The following DNAH5 variants were observed in gnomAD, a reference collection of about 807,000 sequenced individuals.
DNAH5 encodes the protein dynein axonemal heavy chain 5.
Under a neutral mutation model 518.2 loss-of-function variants are expected in DNAH5, and 372 were observed. The ratio of observed to expected loss-of-function variants is 0.72; its 90% CI spans 0.66 to 0.78. The LOEUF is 0.78. Ranked by LOEUF, DNAH5 falls within the 30% of genes least tolerant of loss-of-function variation. The pLI is 0.00. For synonymous variants in DNAH5, 2,039 were observed against 2,025.9 expected (o/e 1.01, Z -0.17); for missense variants, 5,523 against 5,687.0 (o/e 0.97, Z 0.93).
In DNAH5 at chr5:13,707,203, G is replaced by A. The variant is rs551003063; in HGVS notation, c.13338+920C>T. ...AATTTGCTCAGGCATGGTCAGAGAA[G>A]AGTCCGGTCACTGGGCGGCCCAACT... On this transcript the variant is annotated intron_variant, in intron 76 of 78. Transcript: ENST00000265104. The surrounding 1 kb of genome is among the most constrained non-coding windows in gnomAD (Gnocchi z 4.0). Among the ~76,000 whole-genome samples the A allele has an allele frequency of 1.3e-4, 20 of 152,338 alleles. No individual in the cohort carries two copies. The highest frequency in any genetic ancestry group is 4.3e-4 in the African/African-American group (18 of 41,574).
At chr5:13,822,901 C>A (rs557777344) in intron 40 of DNAH5, among the ~76,000 whole-genome samples, 1 of 152,292 alleles carries the variant, frequency 6.6e-6, no homozygotes, top group East Asian at 1.9e-4. Flanking sequence ...GGCGACACAG[C>A]AAACACCAGG....
intron 21 of DNAH5, among the ~76,000 whole-genome samples, chr5:13,882,355 TA>T (rs749877963): frequency 0.23 from 31,259 of 138,482 alleles, 3,367 homozygotes; most frequent in Middle Eastern, 0.29. Flanking sequence ...CACTACAATT[TA>T]AAAAAAAAAA....
chr5:13,864,480 G>T lies in DNAH5; in HGVS notation c.4513C>A (p.His1505Asn). 1 of 1,614,106 alleles carries T rather than the reference G, an allele frequency of 6.2e-7. No individual in the cohort carries two copies. The highest frequency in any genetic ancestry group is 1.1e-5 in the South Asian group (1 of 91,078). ...HWERITTLTG[H>N]SLDVGNESFK... is the part of the protein sequence containing the mutation. ...CTTTCATTCCCCACATCCAGACTGT[G>T]CCCGGTGAGGGTGGTTATCCTTTCC... is the stretch of plus-strand genomic sequence containing the variant. Residue 1505 changes from histidine (H) to asparagine (N), a missense_variant, in exon 28 of 79, where the codon CAC becomes AAC. His to Asn is a moderately conservative substitution (Grantham distance 68, BLOSUM62 1). This residue lies in a region of DNAH5 where 5,121 missense variants were observed against 5,223.3 expected (regional missense o/e 0.98). Transcript: ENST00000265104.
At chr5:13,721,391 T>C (rs186992258) in intron 70 of DNAH5, 146 bp from the exon 71 acceptor site, 21 of 932,008 alleles carry the variant, frequency 2.3e-5, no homozygotes, top group African/African-American at 3.3e-5. Context: ...AGACTGTTTT[T>C]CATATTTGTT....
chr5:13,719,841 T>C lies in DNAH5; in HGVS notation c.12280-740A>G, dbSNP rs546820956. Among the ~76,000 whole-genome samples the C allele has an allele frequency of 7.2e-5, 11 of 152,322 alleles. No individual in the cohort carries two copies. The East Asian group carries it at 2.1e-3, about 29-fold the overall frequency. On this transcript the variant is annotated intron_variant, in intron 71 of 78. Transcript: ENST00000265104. ...TGTGGAAGAACCTTCCCTGGGAATC[T>C]GACCACACTAAGAAGAGAAAGAGCC...
intron 34 of DNAH5, among the ~76,000 whole-genome samples, chr5:13,839,829 C>T (rs1260720465): frequency 1.3e-5 from 2 of 152,164 alleles, no homozygotes; most frequent in Admixed American, 6.5e-5. Context: ...CCTGACATGC[C>T]TAATGCCATA....
At chr5:13,847,829 GA>G (rs1220568114) in intron 31 of DNAH5, among the ~76,000 whole-genome samples, 1 of 152,036 alleles carries the variant, frequency 6.6e-6, no homozygotes, top group African/African-American at 2.4e-5. Flanking sequence ...GGAAGGGAGA[GA>G]AAAGCAATAA....
intron 21 of DNAH5, among the ~76,000 whole-genome samples, chr5:13,879,657 C>A (rs966222382): frequency 1.3e-5 from 2 of 151,138 alleles, no homozygotes; most frequent in African/African-American, 2.4e-5. Flanking sequence ...AATGATGTAA[C>A]TGAACACAAA....
chr5:13,910,106 G>C (rs890662628), intron 12 of DNAH5, among the ~76,000 whole-genome samples: 1 of 152,080 alleles, frequency 6.6e-6, no homozygotes, highest in East Asian at 1.9e-4. Context: ...GTCTGAATCT[G>C]CCCCCAAAAG....
rs192203501 is a variant in DNAH5 at position 13,959,376 on chromosome 5, A to C, written c.13-28132T>G. ...CTGATAGAGAGGGAAGAGGCAGACAAGTGTGGATTCTCTCTGTCTTCGAGA... is the reference window on the plus strand; with the variant it reads ...CTGATAGAGAGGGAAGAGGCAGACACGTGTGGATTCTCTCTGTCTTCGAGA... On this transcript the variant is annotated intron_variant, in intron 1 of 78. Coordinates refer to the DNAH5 transcript ENST00000681290. 1.2e-3 allele frequency among the ~76,000 whole-genome samples: 186 copies of C among 152,356 alleles called. No homozygotes were observed. In the Middle Eastern group the frequency reaches 0.017, roughly 14 times the overall value.
At chr5:13,814,524 G>A in intron 43 of DNAH5, 81 bp downstream of exon 43, 1 of 1,457,648 alleles carries the variant, frequency 6.9e-7, no homozygotes, top group African/African-American at 1.4e-5. Flanking sequence ...GCCATCTGCA[G>A]AAAAATTGGC....
chr5:13,747,311 C>T (rs542418453), intron 65 of DNAH5, among the ~76,000 whole-genome samples: 85 of 152,174 alleles, frequency 5.6e-4, no homozygotes, highest in African/African-American at 2.0e-3. Context: ...GGTTTGGTTC[C>T]AAGTCTTTGC....
In DNAH5 at chr5:13,735,936, G is replaced by A. The variant is rs1201181088; in HGVS notation, c.11456-4C>T. On this transcript the variant is annotated splice_polypyrimidine_tract_variant and splice_region_variant and intron_variant, in intron 66 of 78. Coordinates refer to ENST00000265104, the MANE Select transcript of DNAH5 (RefSeq NM_001369.3). ...AGGATGCTGCCCCGCGTAGCCACTG[G>A]AAGACAAAGAGCAAGGTTGCATGTG... is the stretch of plus-strand genomic sequence containing the variant. 1 of 1,610,624 alleles carries A rather than the reference G, an allele frequency of 6.2e-7. No homozygotes were observed. Among genetic ancestry groups the A allele is most frequent in the African/African-American group, 1.3e-5 (1 of 74,852 alleles).
At chr5:13,796,956 T>C (rs1199418013) in intron 47 of DNAH5, among the ~76,000 whole-genome samples, 2 of 152,176 alleles carry the variant, frequency 1.3e-5, no homozygotes, top group Non-Finnish European at 2.9e-5. Flanking sequence ...GAGGAAAGGA[T>C]TCCCTATTTA....
chr5:13,754,156 C>T (rs760223976), intron 62 of DNAH5, 47 bp downstream of exon 62: 1 of 1,611,356 alleles, frequency 6.2e-7, no homozygotes, highest in African/African-American at 1.3e-5. Flanking sequence ...TTTCGAATTC[C>T]CTATCACAGT....
At chr5:13,954,149 ATACTT>A (rs548736476) in intron 1 of DNAH5, among the ~76,000 whole-genome samples, 4 of 152,360 alleles carry the variant, frequency 2.6e-5, no homozygotes, top group South Asian at 4.1e-4. Flanking sequence ...TTTTAAGAAA[ATACTT>A]TAGTGTACTC....
rs762437869 is a variant in DNAH5 at position 13,817,651 on chromosome 5, C to A, written c.6885G>T (p.Ala2295=). The change falls in exon 42 of 79, where the codon GCG becomes GCT. Residue 2295 remains alanine, a synonymous_variant. Coordinates refer to ENST00000265104, the MANE Select transcript of DNAH5 (RefSeq NM_001369.3). ...PHREMRMNPK[A]ITAPQMFGRL... ...GACCAAACATCTGTGGGGCAGTAAT[C>A]GCTTTGGGATTCATCCTCATTTCCC... is the stretch of plus-strand genomic sequence containing the variant. The A allele has an allele frequency of 6.2e-7, 1 of 1,614,178 alleles. No individual in the cohort carries two copies. Among genetic ancestry groups the A allele is most frequent in the Non-Finnish European group, 8.5e-7 (1 of 1,180,038 alleles).
At chr5:13,963,485 G>C (rs1781326800) in intron 1 of DNAH5, among the ~76,000 whole-genome samples, 1 of 151,876 alleles carries the variant, frequency 6.6e-6, no homozygotes, top group Non-Finnish European at 1.5e-5. Flanking sequence ...GGCTGAGGCA[G>C]GAAGAATCGC....
intron 35 of DNAH5, among the ~76,000 whole-genome samples, chr5:13,837,460 G>C (rs1037198999): frequency 6.6e-6 from 1 of 151,870 alleles, no homozygotes; most frequent in Admixed American, 6.6e-5. Flanking sequence ...GTCAGTGGGG[G>C]TGTTGGCTTT....
Sources: gnomAD v4.1 joint callset for allele counts (sites outside exome capture counted in the v4.1 genomes callset) on GRCh38, gnomAD v4.1.1 for gene constraint, gnomAD v4.1.1 regional missense constraint, Gnocchi (gnomAD v3.1) non-coding constraint, MANE v1.5 for transcripts, NCBI Gene and HGNC (gene_info 2026-07-23, HGNC 2026-07-21) for gene names.